A2ML1: variants seen among roughly 807,000 people sequenced by gnomAD.
A2ML1 encodes alpha-2-macroglobulin like 1.
In A2ML1, 161 loss-of-function variants were observed where a neutral mutation model predicts 181.9. The observed-to-expected ratio is 0.89, with a 90% CI of 0.78 to 1.01. The LOEUF (loss-of-function observed/expected upper bound fraction) is 1.01. Among genes scored for constraint, A2ML1 ranks in the 50% least tolerant of loss-of-function variants. The pLI is 0.00. For missense variants in A2ML1, 1,670 were observed against 1,768.1 expected, an observed-to-expected ratio of 0.94 and a Z score of 1.00; for synonymous variants, 663 against 666.8, an observed-to-expected ratio of 0.99 and a Z score of 0.09.
At chr12:8,881,947 C>G (rs1365073284) in intron 7 of A2ML1, among the ~76,000 whole-genome samples, 2 of 151,576 alleles carry the variant, frequency 1.3e-5, no homozygotes, top group Non-Finnish European at 2.9e-5. Flanking sequence ...GGAGGTGGAG[C>G]TTGCAGTGAG....
rs951685327 is a variant in A2ML1, at chr12:8,858,004, C to T, written c.3166C>T (p.Pro1056Ser). ...GQAQKFIFID[P>S]KNIQDALKWM... ...AGCTCAGAAATTCATCTTCATTGAT[C>T]CCAAGAACATCCAGGATGCTCTCAA... The change falls in exon 26 of 36, where the codon CCC becomes TCC. Residue 1056 changes from proline (P) to serine (S), a missense_variant. Transcript: ENST00000299698. The T allele has an allele frequency of 6.2e-7, 1 of 1,614,056 alleles. No individual in the cohort carries two copies. The highest frequency in any genetic ancestry group is 8.5e-7 in the Non-Finnish European group (1 of 1,180,054).
Position 8,857,528 on chromosome 12 carries a change from A to G in A2ML1, c.3047A>G (p.Tyr1016Cys). The G allele has an allele frequency of 1.9e-6, 3 of 1,612,552 alleles. No homozygotes were observed. Among genetic ancestry groups the G allele is most frequent in the South Asian group, 2.2e-5 (2 of 90,698 alleles). ...LEIGYQKELM[Y>C]KHSNGSYSAF... is the part of the protein sequence containing the mutation. ...CCAGGGTACCAGAAGGAGCTGATGT[A>G]CAAACACAGCAATGGCTCATACAGT... Residue 1016 changes from tyrosine to cysteine, a missense_variant, in exon 25 of 36, where the codon TAC becomes TGC. Coordinates refer to ENST00000299698, the MANE Select transcript of A2ML1 (RefSeq NM_144670.6).
At chr12:8,824,028 GTGT>G in intron 3 of A2ML1, 146 bp downstream of exon 3, 1 of 878,512 alleles carries the variant, frequency 1.1e-6, no homozygotes, top group Non-Finnish European at 1.6e-6. Context: ...AGTAGTGCAA[GTGT>G]TGAATACATG....
chr12:8,828,112 GC>G (rs1332574199), intron 3 of A2ML1, among the ~76,000 whole-genome samples: 1 of 152,094 alleles, frequency 6.6e-6, no homozygotes, highest in Non-Finnish European at 1.5e-5. Flanking sequence ...CCTGGCTACT[GC>G]CCATGTTTGC....
At chr12:8,855,268 A>G (rs1436977111) in intron 22 of A2ML1, among the ~76,000 whole-genome samples, 2 of 152,096 alleles carry the variant, frequency 1.3e-5, no homozygotes, top group Non-Finnish European at 2.9e-5. Context: ...GCCATTCCTC[A>G]TGGGGCTGAT....
chr12:8,872,793 A>G (rs895733225), intron 33 of A2ML1, among the ~76,000 whole-genome samples: 108 of 150,382 alleles, frequency 7.2e-4, no homozygotes, highest in Non-Finnish European at 8.8e-4. Context: ...CAAAAAAAAA[A>G]AAAAAGAAAA....
chr12:8,866,147 T>C (rs1306439378), intron 29 of A2ML1, among the ~76,000 whole-genome samples: 3 of 151,476 alleles, frequency 2.0e-5, no homozygotes, highest in Non-Finnish European at 2.9e-5. Context: ...CTACTAAAAA[T>C]ACAAAAAATT....
At chr12:8,880,957 A>G (rs112221010), downstream of A2ML1, among the ~76,000 whole-genome samples, 16 of 152,280 alleles carry the variant, frequency 1.1e-4, 1 homozygote, top group African/African-American at 3.1e-4. Context: ...TTGGAACACA[A>G]AAGGTTGGAG....
chr12:8,885,154 CA>C (rs1431116110), intron 7 of A2ML1, among the ~76,000 whole-genome samples: 17 of 152,290 alleles, frequency 1.1e-4, no homozygotes, highest in African/African-American at 4.1e-4. Flanking sequence ...ATATCTTCTT[CA>C]GTCTATGGGT....
In A2ML1 at chr12:8,828,748, G is replaced by C. The variant is rs1021348339; in HGVS notation, c.410-979G>C. On this transcript the variant is annotated intron_variant, in intron 3 of 35. Transcript: ENST00000299698. ...CAGCATGTCTCTGAGTCTCACCCAA[G>C]GCCCACGACAAGTACTGCCCAGCTA... Among the ~76,000 whole-genome samples the C allele has an allele frequency of 1.8e-4, 27 of 152,204 alleles. 1 individual carries two copies. Among genetic ancestry groups the C allele is most frequent in the African/African-American group, 6.5e-4 (27 of 41,446 alleles).
downstream of A2ML1, among the ~76,000 whole-genome samples, chr12:8,880,361 T>A (rs531514680): frequency 3.9e-5 from 6 of 151,936 alleles, no homozygotes; most frequent in South Asian, 4.1e-4. Flanking sequence ...AGAGCAAGAC[T>A]GTCTAAAAAA....
chr12:8,865,567 AAC>A (rs1454130449), intron 29 of A2ML1, among the ~76,000 whole-genome samples: 17 of 152,254 alleles, frequency 1.1e-4, no homozygotes, highest in African/African-American at 4.1e-4. Context: ...CAACAACAAC[AAC>A]AATTTTAACT....
chr12:8,882,792 T>G (rs899383602), intron 7 of A2ML1, among the ~76,000 whole-genome samples: 2 of 152,080 alleles, frequency 1.3e-5, no homozygotes, highest in African/African-American at 4.8e-5. Context: ...CAAGACCCAA[T>G]CTCATTCTTT....
intron 20 of A2ML1, among the ~76,000 whole-genome samples, chr12:8,853,128 G>A (rs1227485419): frequency 2.6e-5 from 4 of 152,064 alleles, no homozygotes; most frequent in Non-Finnish European, 4.4e-5. Context: ...CGGAGTAGCT[G>A]GGACTATAGG....
rs61919497 is a variant in A2ML1 at position 8,864,260 on chromosome 12, C to A, written c.3717+252C>A. Among the ~76,000 whole-genome samples, 109,640 of 117,432 alleles carry A rather than the reference C, an allele frequency of 0.93. 51,886 individuals are homozygous for A. The highest frequency in any genetic ancestry group is 1 in the South Asian group (2,934 of 2,936). The allele number at this position is 117,432 out of a possible 152,430, so 77.0% of individuals were successfully genotyped here. ...GGGCATGGTGGCTCATGCCTGTCAT[C>A]GCAGCACTTTGAGAGGCCGAGGCAG... On this transcript the variant is annotated intron_variant, in intron 29 of 35. Transcript: ENST00000299698.
intron 25 of A2ML1, 179 bp downstream of exon 25, chr12:8,857,767 G>A (rs993351211): frequency 9.1e-7 from 1 of 1,097,160 alleles, no homozygotes; most frequent in Non-Finnish European, 1.3e-6. Context: ...TCCTGAGCTT[G>A]TGCCTCCCCT....
chr12:8,842,992 GACCGCTA>G, intron 11 of A2ML1, 135 bp from the exon 12 acceptor site: 1 of 721,516 alleles, frequency 1.4e-6, no homozygotes, highest in Non-Finnish European at 2.3e-6. Flanking sequence ...TCCTTGGCTG[GACCGCTA>G]ATGAAATACC....
chr12:8,879,224 G>C (rs750182228), downstream of A2ML1, among the ~76,000 whole-genome samples: 131 of 152,222 alleles, frequency 8.6e-4, no homozygotes, highest in African/African-American at 3.1e-3. Flanking sequence ...AGGTGCAGCA[G>C]CTCACACCTG....
At chr12:8,883,526 G>A (rs1425441421) in intron 7 of A2ML1, among the ~76,000 whole-genome samples, 1 of 152,036 alleles carries the variant, frequency 6.6e-6, no homozygotes, top group African/African-American at 2.4e-5. Context: ...TGCCCAGGCT[G>A]GAGTGCAATG....
Sources: gnomAD v4.1 joint callset for allele counts (sites outside exome capture counted in the v4.1 genomes callset) on GRCh38, gnomAD v4.1.1 for gene constraint, MANE v1.5 for transcripts, NCBI Gene and HGNC (gene_info 2026-07-23, HGNC 2026-07-21) for gene names.